NBAS: variants seen among roughly 807,000 people sequenced by gnomAD.
NBAS encodes the protein NBAS subunit of NRZ tethering complex.
In NBAS, 219 loss-of-function variants were observed where a neutral mutation model predicts 302.5. That is an observed-to-expected ratio of 0.72 (90% CI 0.65 to 0.81). The LOEUF is 0.81. Among genes scored for constraint, NBAS ranks in the 30% least tolerant of loss-of-function variants. The pLI, the probability that NBAS is intolerant of heterozygous loss-of-function variation, is 0.00. For synonymous variants in NBAS, 1,118 were observed against 1,021.6 expected, an observed-to-expected ratio of 1.09 and a Z score of -1.80; for missense variants, 2,932 against 2,841.6, an observed-to-expected ratio of 1.03 and a Z score of -0.72.
chr2:15,001,371 TTTGC>T, the NBAS span, among the ~76,000 whole-genome samples: 1 of 152,138 alleles, frequency 6.6e-6, no homozygotes, highest in African/African-American at 2.4e-5. Context: ...CAGCCACACA[TTTGC>T]TTGCTATTCC....
intron 48 of NBAS, among the ~76,000 whole-genome samples, chr2:15,195,545 T>G (rs1043722409): frequency 1.3e-5 from 2 of 152,058 alleles, no homozygotes; most frequent in African/African-American, 4.8e-5. Context: ...TAGGCAGACA[T>G]GAGCAGGGTA....
chr2:15,145,108 A>G, the NBAS span, among the ~76,000 whole-genome samples: 1 of 152,058 alleles, frequency 6.6e-6, no homozygotes, highest in Admixed American at 6.5e-5. Flanking sequence ...AGTCTCCACA[A>G]CCTAATCTCA....
intron 11 of NBAS, among the ~76,000 whole-genome samples, chr2:15,494,055 C>T (rs930866225): frequency 1.3e-5 from 2 of 152,098 alleles, no homozygotes; most frequent in African/African-American, 4.8e-5. Context: ...AACTCCTGAC[C>T]TCAGGTGAAC....
the NBAS span, among the ~76,000 whole-genome samples, chr2:15,086,135 A>G: frequency 6.6e-6 from 1 of 152,004 alleles, no homozygotes; most frequent in African/African-American, 2.4e-5. Flanking sequence ...CTGCCCATGG[A>G]CCAATCCCCA....
the NBAS span, among the ~76,000 whole-genome samples, chr2:14,921,916 C>G: frequency 6.6e-6 from 1 of 152,196 alleles, no homozygotes. Context: ...AATCCATCCC[C>G]ACACCCTTTT....
chr2:15,070,780 C>T, the NBAS span, among the ~76,000 whole-genome samples: 4 of 152,274 alleles, frequency 2.6e-5, no homozygotes, highest in South Asian at 8.3e-4. Flanking sequence ...TACATGATCA[C>T]GTTGTTACAA....
At chr2:15,438,606 C>T (rs937175661) in intron 21 of NBAS, among the ~76,000 whole-genome samples, 3 of 152,158 alleles carry the variant, frequency 2.0e-5, no homozygotes, top group African/African-American at 7.2e-5. Context: ...CCAGCAGCGC[C>T]CTCGCTCACT....
the NBAS span, among the ~76,000 whole-genome samples, chr2:14,830,960 A>G: frequency 6.6e-6 from 1 of 152,168 alleles, no homozygotes; most frequent in Non-Finnish European, 1.5e-5. Context: ...TGGAGCTGGG[A>G]AGTGAGGCTC....
the NBAS span, among the ~76,000 whole-genome samples, chr2:14,906,990 T>A: frequency 1.3e-5 from 2 of 152,134 alleles, no homozygotes; most frequent in African/African-American, 4.8e-5. Context: ...AGGCTATGCT[T>A]CTTACACCTC....
intron 23 of NBAS, among the ~76,000 whole-genome samples, chr2:15,421,375 C>CT (rs760320004): frequency 6.6e-6 from 1 of 152,140 alleles, no homozygotes; most frequent in Non-Finnish European, 1.5e-5. Flanking sequence ...ATTACTGACA[C>CT]TTTAACTGCA....
intron 44 of NBAS, among the ~76,000 whole-genome samples, chr2:15,250,469 TAACTA>T (rs1355326430): frequency 6.6e-6 from 1 of 152,144 alleles, no homozygotes; most frequent in Non-Finnish European, 1.5e-5. Context: ...AAATGGAATC[TAACTA>T]AACTAAAGAG....
chr2:15,356,052 A>G (rs2148311397), intron 33 of NBAS, among the ~76,000 whole-genome samples: 1 of 152,372 alleles, frequency 6.6e-6, no homozygotes, highest in Middle Eastern at 3.4e-3. Flanking sequence ...TTTTTAAATT[A>G]CGAGCATGTT....
At chr2:14,844,814 C>G in the NBAS span, among the ~76,000 whole-genome samples, 1 of 152,136 alleles carries the variant, frequency 6.6e-6, no homozygotes, top group African/African-American at 2.4e-5. Context: ...TGAGGCTTCC[C>G]TGCCATTGGA....
At chr2:15,000,282 A>G in the NBAS span, among the ~76,000 whole-genome samples, 3 of 152,166 alleles carry the variant, frequency 2.0e-5, no homozygotes, top group Non-Finnish European at 4.4e-5. Context: ...CACTGAAAAA[A>G]CAAAAGCCAA....
At chr2:15,494,351 C>T (rs960012587) in intron 11 of NBAS, among the ~76,000 whole-genome samples, 8 of 152,180 alleles carry the variant, frequency 5.3e-5, no homozygotes, top group Admixed American at 2.6e-4. Context: ...ATAACAACAT[C>T]TACACATTAT....
chr2:15,347,287 AATGCAGAAAT>A (rs1673138594), intron 35 of NBAS, among the ~76,000 whole-genome samples: 1 of 152,212 alleles, frequency 6.6e-6, no homozygotes, highest in East Asian at 1.9e-4. Context: ...TATAACAAAC[AATGCAGAAAT>A]TCTACATCTA....
intron 6 of NBAS, among the ~76,000 whole-genome samples, chr2:15,542,922 T>C (rs1006573408): frequency 1.3e-5 from 2 of 152,218 alleles, no homozygotes; most frequent in Non-Finnish European, 1.5e-5. Context: ...TCCAGAAAAC[T>C]CAGCAGGTGT....
At chr2:15,128,590 G>GGA in the NBAS span, among the ~76,000 whole-genome samples, 1 of 152,196 alleles carries the variant, frequency 6.6e-6, no homozygotes, top group African/African-American at 2.4e-5. Context: ...GGAGATCAGG[G>GGA]TGTGCCTTAT....
the NBAS span, among the ~76,000 whole-genome samples, chr2:14,939,356 C>T: frequency 6.6e-6 from 1 of 152,226 alleles, no homozygotes; most frequent in Non-Finnish European, 1.5e-5. Context: ...TTCAGGAAGA[C>T]AAGAAAAGCC....
Sources: allele counts gnomAD v4.1 joint callset (sites outside exome capture counted in the v4.1 genomes callset), GRCh38; gene constraint gnomAD v4.1.1; transcripts MANE v1.5; gene names NCBI Gene and HGNC (gene_info 2026-07-23, HGNC 2026-07-21).